MAST2: variants seen among roughly 807,000 people sequenced by gnomAD.
The protein encoded by MAST2 is microtubule-associated serine/threonine-protein kinase 2.
A neutral mutation model predicts 147.4 loss-of-function variants in MAST2; 70 were observed. The ratio of observed to expected loss-of-function variants is 0.47; its 90% CI spans 0.39 to 0.58. The LOEUF (loss-of-function observed/expected upper bound fraction) is 0.58. Among genes scored for constraint, MAST2 ranks in the 20% least tolerant of loss-of-function variants. The probability of loss-of-function intolerance (pLI) is 0.00; values close to 1 mark genes in which losing one functional copy is unlikely to be tolerated. For synonymous variants in MAST2, 869 were observed against 896.8 expected, an observed-to-expected ratio of 0.97 and a Z score of 0.55; for missense variants, 2,080 against 2,302.3, an observed-to-expected ratio of 0.90 and a Z score of 1.98.
intron 5 of MAST2, among the ~76,000 whole-genome samples, chr1:45,966,112 A>G (rs1050139086): frequency 6.6e-6 from 1 of 152,232 alleles, no homozygotes; most frequent in African/African-American, 2.4e-5. Flanking sequence ...TATAGTTGGA[A>G]TCATACAATA....
intron 4 of MAST2, among the ~76,000 whole-genome samples, chr1:45,900,173 CAAAA>C (rs59051138): frequency 5.5e-5 from 3 of 54,106 alleles, no homozygotes; most frequent in East Asian, 6.0e-4. Flanking sequence ...CTCTCTCTCT[CAAAA>C]AAAAAAAAAA....
At chr1:45,812,446 T>A (rs1173988253) in intron 1 of MAST2, among the ~76,000 whole-genome samples, 5 of 135,708 alleles carry the variant, frequency 3.7e-5, no homozygotes, top group African/African-American at 1.4e-4. Flanking sequence ...TTTTTTTTTT[T>A]AGACGGAGTC....
intron 1 of MAST2, among the ~76,000 whole-genome samples, chr1:45,810,602 A>G (rs1336493535): frequency 2.6e-5 from 4 of 151,814 alleles, no homozygotes; most frequent in Admixed American, 2.6e-4. Context: ...ACCTAAGGTT[A>G]GGAGTTTGAG....
At chr1:45,899,810 A>G (rs1479104247) in intron 4 of MAST2, among the ~76,000 whole-genome samples, 3 of 151,876 alleles carry the variant, frequency 2.0e-5, no homozygotes, top group Non-Finnish European at 4.4e-5. Context: ...TTCTTATGCT[A>G]TGTCATCAGG....
chr1:45,959,482 G>GTGCT lies in MAST2; in HGVS notation c.592+8_592+11dup, dbSNP rs1442019262. On this transcript the variant is annotated splice_donor_region_variant and intron_variant, in intron 5 of 28. Coordinates refer to ENST00000361297, the MANE Select transcript of MAST2 (RefSeq NM_015112.3). ...CACCACTCCATGGCCACACAGGTGA[G>GTGCT]TGCTTGAAGGTTAAGAAAGGTTGAA... 4 of 1,612,050 alleles carry GTGCT rather than the reference G, an allele frequency of 2.5e-6. No homozygotes were observed. Among genetic ancestry groups the GTGCT allele is most frequent in the Non-Finnish European group, 3.4e-6 (4 of 1,178,862 alleles).
chr1:45,964,772 G>A (rs1353594981), intron 5 of MAST2, among the ~76,000 whole-genome samples: 1 of 152,098 alleles, frequency 6.6e-6, no homozygotes, highest in African/African-American at 2.4e-5. Context: ...TTTTGAATGT[G>A]TTTGCTCTTG....
Position 46,030,214 on chromosome 1 carries a change from T to C in MAST2, c.2529T>C (p.Ser843=). The C allele has an allele frequency of 6.2e-7, 1 of 1,614,198 alleles. No individual in the cohort carries two copies. The highest frequency in any genetic ancestry group is 8.5e-7 in the Non-Finnish European group (1 of 1,180,030). ...GCTGCCTTGAGATCCGCCAGTTCTC[T>C]TCCTGCTCTCCAAGGTTCAACAAGG... is the stretch of plus-strand genomic sequence containing the variant. The part of the protein sequence containing the change: ...EDGCLEIRQF[S]SCSPRFNKVY... The change falls in exon 21 of 29, where the codon TCT becomes TCC. Residue 843 remains serine (S), a synonymous_variant. Transcript: ENST00000361297.
chr1:45,964,081 G>A (rs1185924568), intron 5 of MAST2, among the ~76,000 whole-genome samples: 2 of 152,188 alleles, frequency 1.3e-5, no homozygotes, highest in Non-Finnish European at 2.9e-5. Context: ...TGATCATGGT[G>A]GATAAGCTGT....
At chr1:45,810,450 G>A (rs759866583) in intron 1 of MAST2, among the ~76,000 whole-genome samples, 3 of 152,154 alleles carry the variant, frequency 2.0e-5, no homozygotes, top group Non-Finnish European at 2.9e-5. Flanking sequence ...AGAGCTTTAC[G>A]TTGAAGGTGT....
intron 4 of MAST2, among the ~76,000 whole-genome samples, chr1:45,953,510 G>A (rs1210108090): frequency 6.6e-6 from 1 of 152,182 alleles, no homozygotes; most frequent in African/African-American, 2.4e-5. Context: ...TATGTTAGAA[G>A]ATGACAAATG....
chr1:45,869,056 A>G (rs367659997), intron 3 of MAST2, among the ~76,000 whole-genome samples: 4 of 152,066 alleles, frequency 2.6e-5, no homozygotes, highest in South Asian at 2.1e-4. Flanking sequence ...TTCCTATTCT[A>G]TGTTGCAGCT....
intron 3 of MAST2, among the ~76,000 whole-genome samples, chr1:45,848,766 C>A (rs1645524703): frequency 6.6e-6 from 1 of 152,082 alleles, no homozygotes; most frequent in African/African-American, 2.4e-5. Flanking sequence ...AAACGGCATT[C>A]AAGTAGGAAG....
chr1:45,974,961 G>A (rs543087359), intron 5 of MAST2, among the ~76,000 whole-genome samples: 10 of 152,318 alleles, frequency 6.6e-5, no homozygotes, highest in African/African-American at 2.4e-4. Context: ...TTAGCAAGGA[G>A]GAGTAATGGT....
intron 4 of MAST2, among the ~76,000 whole-genome samples, chr1:45,902,533 T>G (rs1267762486): frequency 6.6e-6 from 1 of 152,162 alleles, no homozygotes; most frequent in Non-Finnish European, 1.5e-5. Context: ...CAATTTTTTT[T>G]TTTAATAGTT....
At chr1:45,883,955 TG>T (rs1420536345) in intron 4 of MAST2, among the ~76,000 whole-genome samples, 1 of 126,310 alleles carries the variant, frequency 7.9e-6, no homozygotes, top group Non-Finnish European at 1.6e-5. Flanking sequence ...GAAAACTGCC[TG>T]AGATTTGCCT....
intron 4 of MAST2, among the ~76,000 whole-genome samples, chr1:45,901,356 C>G (rs1226613983): frequency 6.6e-6 from 1 of 152,116 alleles, no homozygotes; most frequent in Non-Finnish European, 1.5e-5. Context: ...TTTCATTGAG[C>G]TGTGTGTCTG....
intron 3 of MAST2, among the ~76,000 whole-genome samples, chr1:45,835,810 C>G (rs1018564498): frequency 6.6e-6 from 1 of 152,132 alleles, no homozygotes; most frequent in East Asian, 1.9e-4. Context: ...CTTTTTGTCT[C>G]TGTGGATTTA....
chr1:45,835,017 G>A (rs946180151), intron 3 of MAST2, among the ~76,000 whole-genome samples: 5 of 151,506 alleles, frequency 3.3e-5, no homozygotes, highest in African/African-American at 1.2e-4. Flanking sequence ...TTTGTACACA[G>A]TTCTTAACAT....
At position 46,011,042 on chromosome 1, in the gene MAST2, G is replaced by A. The variant is rs1468711476; in HGVS notation, c.1188+103G>A. 21 of 990,992 alleles carry A rather than the reference G, an allele frequency of 2.1e-5. 1 individual carries two copies. The highest frequency in any genetic ancestry group is 3.2e-5 in the Non-Finnish European group (21 of 656,726). 61.4% of individuals were successfully genotyped at this position (990,992 alleles called of 1,614,324 possible). Reference sequence around the variant, plus strand: ...ATTAGTGGTATTCTCAGTCTTCACAGACTGCTTGTTACCCACCCTCAAAGG... The same window carrying A: ...ATTAGTGGTATTCTCAGTCTTCACAAACTGCTTGTTACCCACCCTCAAAGG... On this transcript the variant is annotated intron_variant, in intron 10 of 28. Transcript: ENST00000361297.
Sources: gnomAD v4.1 joint callset for allele counts (sites outside exome capture counted in the v4.1 genomes callset) on GRCh38, gnomAD v4.1.1 for gene constraint, MANE v1.5 for transcripts, NCBI Gene and HGNC (gene_info 2026-07-23, HGNC 2026-07-21) for gene names.